Variants in RIGI observed in about 807,000 individuals in gnomAD.
RIGI encodes antiviral innate immune response receptor RIG-I.
chr9:32,475,055 G>A, the RIGI span, among the ~76,000 whole-genome samples: 7 of 152,146 alleles, frequency 4.6e-5, no homozygotes, highest in Non-Finnish European at 8.8e-5. Flanking sequence ...AGGTTCAAGT[G>A]ATTCTCCTGC....
the RIGI span, among the ~76,000 whole-genome samples, chr9:32,523,483 C>A: frequency 6.6e-6 from 1 of 152,156 alleles, no homozygotes; most frequent in Non-Finnish European, 1.5e-5. Context: ...ATCTCAGAAA[C>A]TACCATTTAT....
chr9:32,457,893 C>T, the RIGI span, among the ~76,000 whole-genome samples: 3 of 152,094 alleles, frequency 2.0e-5, no homozygotes, highest in African/African-American at 7.2e-5. Context: ...GAGTAAACAG[C>T]TCAGAAACAA....
chr9:32,520,945 A>G, the RIGI span, among the ~76,000 whole-genome samples: 1 of 151,996 alleles, frequency 6.6e-6, no homozygotes, highest in South Asian at 2.1e-4. Flanking sequence ...CACGAGTTGG[A>G]GACCAGCCTG....
the RIGI span, among the ~76,000 whole-genome samples, chr9:32,479,875 T>A: frequency 1.3e-5 from 2 of 151,340 alleles, no homozygotes; most frequent in African/African-American, 4.9e-5. Context: ...ATGGTTTTTT[T>A]AATATCGTTA....
chr9:32,516,734 G>A, the RIGI span, among the ~76,000 whole-genome samples: 1 of 152,196 alleles, frequency 6.6e-6, no homozygotes, highest in Non-Finnish European at 1.5e-5. Context: ...TGATACTCTA[G>A]AGAGCGTGTT....
chr9:32,481,249 A>T, the RIGI span: 2 of 1,313,620 alleles, frequency 1.5e-6, no homozygotes, highest in Non-Finnish European at 1.0e-6. Flanking sequence ...TCTTGAGGAC[A>T]GGATGAGAAG....
the RIGI span, chr9:32,487,914 T>C: frequency 7.4e-3 from 11,834 of 1,609,764 alleles, 672 homozygotes; most frequent in African/African-American, 0.13. Flanking sequence ...ATTATAGCTC[T>C]TCTGAAGCAT....
chr9:32,518,736 A>G, the RIGI span, among the ~76,000 whole-genome samples: 3 of 152,254 alleles, frequency 2.0e-5, no homozygotes, highest in Non-Finnish European at 4.4e-5. Flanking sequence ...AGCAACAACC[A>G]AATTTCACCT....
the RIGI span, among the ~76,000 whole-genome samples, chr9:32,500,325 T>G: frequency 6.6e-6 from 1 of 152,226 alleles, no homozygotes; most frequent in Non-Finnish European, 1.5e-5. Flanking sequence ...AGAACTGATA[T>G]TTTTATGATC....
chr9:32,474,014 C>T, the RIGI span, among the ~76,000 whole-genome samples: 2 of 151,916 alleles, frequency 1.3e-5, no homozygotes. Context: ...GGTGACAGAC[C>T]GAGACTCCGT....
chr9:32,478,515 A>G, the RIGI span, among the ~76,000 whole-genome samples: 6 of 152,204 alleles, frequency 3.9e-5, no homozygotes, highest in Non-Finnish European at 8.8e-5. Flanking sequence ...CAGTGGGAGC[A>G]GTTATACCAT....
chr9:32,493,809 A>G, the RIGI span: 1 of 1,610,376 alleles, frequency 6.2e-7, no homozygotes, highest in African/African-American at 1.3e-5. Flanking sequence ...CAGACAGATC[A>G]GAAATGATAT....
At chr9:32,480,492 G>A in the RIGI span, 1 of 792,144 alleles carries the variant, frequency 1.3e-6, no homozygotes, top group Non-Finnish European at 1.8e-6. Flanking sequence ...GCTTTTTAAA[G>A]ATGAATGGCC....
chr9:32,497,613 G>A, the RIGI span, among the ~76,000 whole-genome samples: 9 of 152,190 alleles, frequency 5.9e-5, no homozygotes, highest in East Asian at 1.9e-4. Flanking sequence ...CAGGCATGGC[G>A]GCGAGCACCT....
chr9:32,467,947 G>T, the RIGI span: 3 of 1,572,106 alleles, frequency 1.9e-6, no homozygotes, highest in Non-Finnish European at 2.6e-6. Flanking sequence ...GTCAGAGTAA[G>T]AGGGCATTAT....
the RIGI span, chr9:32,491,498 T>C: frequency 8.5e-7 from 1 of 1,172,596 alleles, no homozygotes; most frequent in South Asian, 1.5e-5. Flanking sequence ...CACAAAATGG[T>C]CATAACACTA....
chr9:32,481,619 T>A, the RIGI span: 2 of 708,524 alleles, frequency 2.8e-6, no homozygotes, highest in South Asian at 4.0e-5. Context: ...AGAGTCTCGC[T>A]CTGATGCCCA....
the RIGI span, chr9:32,477,224 T>A: frequency 1.4e-6 from 2 of 1,452,796 alleles, no homozygotes; most frequent in Non-Finnish European, 1.9e-6. Context: ...AGCTGATCTC[T>A]AAATCTTTGA....
At chr9:32,458,169 G>GC in the RIGI span, among the ~76,000 whole-genome samples, 1 of 152,044 alleles carries the variant, frequency 6.6e-6, no homozygotes, top group Non-Finnish European at 1.5e-5. Context: ...CCTCCACTGT[G>GC]CCCCCCATGC....
Sources: allele counts gnomAD v4.1 joint callset (sites outside exome capture counted in the v4.1 genomes callset), GRCh38; gene constraint gnomAD v4.1.1; transcripts MANE v1.5; gene names NCBI Gene and HGNC (gene_info 2026-07-23, HGNC 2026-07-21).